ANGPT1: variants seen among roughly 807,000 people sequenced by gnomAD.
The protein encoded by ANGPT1 is angiopoietin 1.
ANGPT1 carries 17 observed loss-of-function variants against 62.2 expected under a neutral mutation model. That is an observed-to-expected ratio of 0.27 (90% CI 0.19 to 0.41). The LOEUF is 0.41. Among genes scored for constraint, ANGPT1 ranks in the 10% least tolerant of loss-of-function variants. ANGPT1 has a pLI of 1.00. For synonymous variants in ANGPT1, 199 were observed against 198.9 expected (o/e 1.00, Z 0.00); for missense variants, 478 against 594.9 (o/e 0.80, Z 2.04).
intron 1 of ANGPT1, among the ~76,000 whole-genome samples, chr8:107,455,206 A>G (rs1177553601): frequency 3.3e-5 from 5 of 152,056 alleles, no homozygotes; most frequent in South Asian, 2.1e-4. Context: ...GCCTTTCGTG[A>G]TCTCCATGTG....
chr8:107,427,392 G>A (rs141013491), intron 1 of ANGPT1, among the ~76,000 whole-genome samples: 1 of 152,240 alleles, frequency 6.6e-6, no homozygotes, highest in East Asian at 1.9e-4. Context: ...GCTCTTGTCT[G>A]TTTTGTGAAG....
intron 3 of ANGPT1, among the ~76,000 whole-genome samples, chr8:107,324,900 C>A (rs1212501651): frequency 1.3e-5 from 2 of 152,116 alleles, no homozygotes. Flanking sequence ...AGGAGCCCTG[C>A]CCTGCACCGA....
intron 1 of ANGPT1, among the ~76,000 whole-genome samples, chr8:107,390,072 T>A (rs545580041): frequency 6.6e-6 from 1 of 152,172 alleles, no homozygotes; most frequent in Non-Finnish European, 1.5e-5. Flanking sequence ...ATAACTGCAT[T>A]CCCTTTCAGG....
At chr8:107,453,379 A>G (rs547500331) in intron 1 of ANGPT1, among the ~76,000 whole-genome samples, 12 of 152,222 alleles carry the variant, frequency 7.9e-5, no homozygotes, top group Non-Finnish European at 1.6e-4. Flanking sequence ...ATGGACTTAC[A>G]GTTCCACATG....
At chr8:107,430,005 G>C (rs1437738951) in intron 1 of ANGPT1, among the ~76,000 whole-genome samples, 1 of 144,828 alleles carries the variant, frequency 6.9e-6, no homozygotes, top group South Asian at 2.2e-4. Context: ...CATTTTTAAA[G>C]TCACAGGTTA....
chr8:107,495,288 A>G (rs543925997), intron 1 of ANGPT1, among the ~76,000 whole-genome samples: 1 of 152,282 alleles, frequency 6.6e-6, no homozygotes, highest in South Asian at 2.1e-4. Flanking sequence ...ATTCAGCTTG[A>G]TTTTTACACT....
chr8:107,282,484 G>A (rs1814033554), intron 7 of ANGPT1, among the ~76,000 whole-genome samples: 1 of 144,742 alleles, frequency 6.9e-6, no homozygotes, highest in Non-Finnish European at 1.5e-5. Context: ...ATGCATGTGT[G>A]TGAGGCTTGA....
intron 1 of ANGPT1, among the ~76,000 whole-genome samples, chr8:107,366,435 C>A (rs886204110): frequency 2.6e-5 from 4 of 152,130 alleles, no homozygotes; most frequent in Admixed American, 2.6e-4. Context: ...ACAAAAGTAT[C>A]TCTGTACAAT....
At chr8:107,445,538 T>C (rs1586328512) in intron 1 of ANGPT1, among the ~76,000 whole-genome samples, 2 of 152,140 alleles carry the variant, frequency 1.3e-5, no homozygotes, top group Non-Finnish European at 1.5e-5. Flanking sequence ...ACTTTTTTTT[T>C]CCAAATTCTA....
chr8:107,372,095 A>G (rs547450700), intron 1 of ANGPT1, among the ~76,000 whole-genome samples: 1 of 152,336 alleles, frequency 6.6e-6, no homozygotes, highest in East Asian at 1.9e-4. Flanking sequence ...AGATTTAAAT[A>G]GAAATTTTCA....
intron 1 of ANGPT1, among the ~76,000 whole-genome samples, chr8:107,408,033 C>T (rs1817185334): frequency 6.6e-6 from 1 of 152,046 alleles, no homozygotes; most frequent in Admixed American, 6.6e-5. Context: ...GTCCAGAACT[C>T]AGCACTGAAA....
intron 3 of ANGPT1, among the ~76,000 whole-genome samples, chr8:107,329,354 G>A (rs1422786081): frequency 1.2e-4 from 18 of 151,980 alleles, no homozygotes; most frequent in Non-Finnish European, 2.4e-4. Context: ...TAATATACAT[G>A]TATATACAAC....
intron 1 of ANGPT1, among the ~76,000 whole-genome samples, chr8:107,378,930 A>G (rs1816582782): frequency 9.8e-5 from 4 of 40,840 alleles, no homozygotes. Context: ...ATATATACAC[A>G]TACATATATA....
intron 7 of ANGPT1, among the ~76,000 whole-genome samples, chr8:107,274,176 G>C (rs1251800326): frequency 6.6e-6 from 1 of 152,034 alleles, no homozygotes; most frequent in African/African-American, 2.4e-5. Flanking sequence ...CTTAACCCAG[G>C]ATAAGAATCT....
chr8:107,427,294 G>T (rs1483763954), intron 1 of ANGPT1, among the ~76,000 whole-genome samples: 2 of 152,148 alleles, frequency 1.3e-5, no homozygotes, highest in Non-Finnish European at 2.9e-5. Context: ...CAACGTTCCT[G>T]CACTGTCTCA....
intron 1 of ANGPT1, among the ~76,000 whole-genome samples, chr8:107,397,424 C>T (rs1304144107): frequency 7.0e-6 from 1 of 143,012 alleles, no homozygotes; most frequent in East Asian, 2.0e-4. Flanking sequence ...GGGATTTTTT[C>T]CCCTCAAAAA....
At chr8:107,379,249 C>T (rs577407125) in intron 1 of ANGPT1, among the ~76,000 whole-genome samples, 1 of 144,558 alleles carries the variant, frequency 6.9e-6, no homozygotes, top group South Asian at 2.3e-4. Context: ...CATTCATCAC[C>T]TGCACCTAGA....
chr8:107,352,328 T>C (rs1815950355), intron 1 of ANGPT1, among the ~76,000 whole-genome samples: 1 of 152,188 alleles, frequency 6.6e-6, no homozygotes, highest in Non-Finnish European at 1.5e-5. Flanking sequence ...CAGTCAACTG[T>C]ATGAAAAGTC....
At position 107,250,970 on chromosome 8, in the gene ANGPT1, A is replaced by C. The variant is rs1813236612; in HGVS notation, c.*885T>G. ...CTGTATAATATCAAAGGAAATATTA[A>C]ATGCATGTATATTATTTTAAGAACT... On this transcript the variant is annotated 3_prime_UTR_variant, in exon 9 of 9. Coordinates refer to ENST00000517746, the MANE Select transcript of ANGPT1 (RefSeq NM_001146.5). 1 of 152,244 alleles carries C rather than the reference A, an allele frequency of 6.6e-6. No homozygotes were observed. The highest frequency in any genetic ancestry group is 2.1e-4 in the South Asian group (1 of 4,828). The allele number at this position is 152,244 out of a possible 1,614,324, so 9.4% of individuals were successfully genotyped here. A position where few individuals can be genotyped will look rare whatever the true frequency, so the allele number is the denominator to read the frequency against.
Sources: gnomAD v4.1 joint callset for allele counts (sites outside exome capture counted in the v4.1 genomes callset) on GRCh38, gnomAD v4.1.1 for gene constraint, MANE v1.5 for transcripts, NCBI Gene and HGNC (gene_info 2026-07-23, HGNC 2026-07-21) for gene names.